SLC2A4RG: variants seen among roughly 807,000 people sequenced by gnomAD.
The protein encoded by SLC2A4RG is GLUT4 enhancer factor.
SLC2A4RG carries 23 observed loss-of-function variants against 35.5 expected under a neutral mutation model. That is an observed-to-expected ratio of 0.65 (90% CI 0.47 to 0.92). The LOEUF (loss-of-function observed/expected upper bound fraction) is 0.92, where lower values mean the gene tolerates loss of function less well. SLC2A4RG is among the 40% of genes least tolerant of loss of function. The pLI, the probability that SLC2A4RG is intolerant of heterozygous loss-of-function variation, is 0.00. For missense variants in SLC2A4RG, 539 were observed against 525.0 expected (o/e 1.03, Z -0.26); for synonymous variants, 306 against 243.7 (o/e 1.26, Z -2.38).
At chr20:63,740,226 G>C (rs1366171594) in intron 1 of SLC2A4RG, 151 bp from the exon 2 acceptor site, 3 of 465,412 alleles carry the variant, frequency 6.4e-6, no homozygotes, top group African/African-American at 4.3e-5. Flanking sequence ...GCCGCGCCGG[G>C]CTGGGGGCGG....
In SLC2A4RG at chr20:63,742,986, A is replaced by ACTAAGTCCGG. The variant is rs1354068828; in HGVS notation, c.1163_*8dup. On this transcript the variant is annotated stop_gained and frameshift_variant, in exon 8 of 8. Transcript: ENST00000266077. LOFTEE classifies it high-confidence loss of function. ...AAGAAAGCCTGCCAGCGGTTCCTGGACTAAGTCCGGCTCGTTCAAGAACAT... is the reference window on the plus strand; with the variant it reads ...AAGAAAGCCTGCCAGCGGTTCCTGGACTAAGTCCGGCTAAGTCCGGCTCGTTCAAGAACAT... 10 of 1,608,996 alleles carry ACTAAGTCCGG rather than the reference A, an allele frequency of 6.2e-6. No homozygotes were observed. The highest frequency in any genetic ancestry group is 1.7e-4 in the Middle Eastern group (1 of 6,044).
At position 63,741,683 on chromosome 20, in the gene SLC2A4RG, G is replaced by A. The variant is rs546488393; in HGVS notation, c.392-186G>A. Among the ~76,000 whole-genome samples the A allele has an allele frequency of 8.5e-5, 13 of 152,314 alleles. 1 individual carries two copies. Among genetic ancestry groups the A allele is most frequent in the African/African-American group, 3.1e-4 (13 of 41,568 alleles). On this transcript the variant is annotated intron_variant, in intron 3 of 7. Transcript: ENST00000266077. The stretch of plus-strand genomic sequence containing the variant: ...CTCCCTGACCTGCTCACCTCCACGC[G>A]GCTGGCCACACACGTCTGCCAACCC...
Position 63,742,547 on chromosome 20 carries a change from C to T in SLC2A4RG, c.892C>T (p.Leu298=). Residue 298 remains leucine, a synonymous_variant, in exon 6 of 8, where the codon CTG becomes TTG. Coordinates refer to ENST00000266077, the MANE Select transcript of SLC2A4RG (RefSeq NM_020062.4). The part of the protein sequence containing the change: ...PSPLRPPAPP[L]PPPPVLSTVA... Reference sequence around the variant, plus strand: ...TCCCCTGCGGCCGCCTGCCCCGCCCCTGCCCCCGCCCCCTGTCCTGAGCAC... The same window carrying T: ...TCCCCTGCGGCCGCCTGCCCCGCCCTTGCCCCCGCCCCCTGTCCTGAGCAC... The T allele has an allele frequency of 6.4e-7, 1 of 1,567,404 alleles. No homozygotes were observed. The highest frequency in any genetic ancestry group is 8.7e-7 in the Non-Finnish European group (1 of 1,155,570).
chr20:63,741,869 A>G lies in SLC2A4RG; in HGVS notation c.392A>G (p.Glu131Gly). The change falls in exon 4 of 8, where the codon GAG becomes GGG. Residue 131 changes from glutamate (E) to glycine (G), a missense_variant and splice_region_variant. Coordinates refer to ENST00000266077, the MANE Select transcript of SLC2A4RG (RefSeq NM_020062.4). Reference sequence around the variant, plus strand: ...AGGCGGGGGGCCCGTGTCCCCACAGAGCCTGGCCTGGAGCCCTGGAAGGAG... The same window carrying G: ...AGGCGGGGGGCCCGTGTCCCCACAGGGCCTGGCCTGGAGCCCTGGAAGGAG... Reference protein sequence around the residue: ...LGAPVAAFSPEPGLEPWKEAL... With the variant: ...LGAPVAAFSPGPGLEPWKEAL... The G allele has an allele frequency of 1.9e-6, 3 of 1,591,784 alleles. No homozygotes were observed. The highest frequency in any genetic ancestry group is 2.6e-6 in the Non-Finnish European group (3 of 1,170,184).
intron 3 of SLC2A4RG, 151 bp from the exon 4 acceptor site, chr20:63,741,718 C>T: frequency 1.4e-6 from 2 of 1,407,020 alleles, no homozygotes; most frequent in African/African-American, 1.4e-5. Context: ...CTTTCCTGTG[C>T]CGGGGGGGTT....
In SLC2A4RG at chr20:63,741,432, C is replaced by T; in HGVS notation, c.344C>T (p.Ser115Phe). Residue 115 changes from serine (S) to phenylalanine (F), a missense_variant, in exon 3 of 8, where the codon TCC becomes TTC. By Grantham distance (155) the Ser-to-Phe change is radical (BLOSUM62 -2). Coordinates refer to ENST00000266077, the MANE Select transcript of SLC2A4RG (RefSeq NM_020062.4). ...GCTGCCGCTGCCCTTACAAGCCTGTCCACCAGCCCTCTCCTTCTGGGGGCC... is the reference window on the plus strand; with the variant it reads ...GCTGCCGCTGCCCTTACAAGCCTGTTCACCAGCCCTCTCCTTCTGGGGGCC... Reference protein sequence around the residue: ...VMAAAALTSLSTSPLLLGAPV... With the variant: ...VMAAAALTSLFTSPLLLGAPV... 2 of 1,613,476 alleles carry T rather than the reference C, an allele frequency of 1.2e-6. No individual in the cohort carries two copies. Among genetic ancestry groups the T allele is most frequent in the Non-Finnish European group, 1.7e-6 (2 of 1,179,938 alleles).
intron 2 of SLC2A4RG, 166 bp from the exon 3 acceptor site, chr20:63,741,204 T>G: frequency 3.1e-6 from 2 of 645,096 alleles, no homozygotes; most frequent in Non-Finnish European, 5.3e-6. Flanking sequence ...CGGGTGGCTT[T>G]CAGCTCTCTC....
rs1463115214 is a variant in SLC2A4RG, at chr20:63,742,788, G to A, written c.1050G>A (p.Leu350=). The A allele has an allele frequency of 4.4e-6, 7 of 1,584,158 alleles. No homozygotes were observed. The highest frequency in any genetic ancestry group is 1.1e-5 in the South Asian group (1 of 87,976). ...TGTCCTCCAGGATCGGAGTCACCCTGAGGTGCGTGTGGGCTGAGGGCCTGC... is the reference window on the plus strand; with the variant it reads ...TGTCCTCCAGGATCGGAGTCACCCTAAGGTGCGTGTGGGCTGAGGGCCTGC... ...PALSSRIGVT[L]RKPRGDAKKC... Residue 350 remains leucine (L), a splice_region_variant and synonymous_variant, in exon 7 of 8, where the codon CTG becomes CTA. Transcript: ENST00000266077.
At chr20:63,741,832 C>T (rs2092043144) in intron 3 of SLC2A4RG, 37 bp from the exon 4 acceptor site, 1 of 1,539,468 alleles carries the variant, frequency 6.5e-7, no homozygotes, top group Admixed American at 2.0e-5. Flanking sequence ...CCTGGACCCA[C>T]CCGAAGTTCT....
Position 63,742,432 on chromosome 20 carries a change from C to G in SLC2A4RG, c.777C>G (p.Ser259Arg). 6.2e-7 allele frequency: 1 copy of G among 1,607,382 alleles called. No individual in the cohort carries two copies. Among genetic ancestry groups the G allele is most frequent in the Non-Finnish European group, 8.5e-7 (1 of 1,177,758 alleles). Residue 259 changes from serine to arginine, a missense_variant, in exon 6 of 8, where the codon AGC (serine) becomes AGG (arginine). Coordinates refer to ENST00000266077, the MANE Select transcript of SLC2A4RG (RefSeq NM_020062.4). The stretch of plus-strand genomic sequence containing the variant: ...ACACGCTGACCGACGGGCTGTCCAG[C>G]CTGACTCCAGTGTCCCCCACGGCCT... ...GVDTLTDGLS[S>R]LTPVSPTASM...
intron 2 of SLC2A4RG, among the ~76,000 whole-genome samples, chr20:63,740,935 C>T (rs537511085): frequency 1.8e-4 from 27 of 152,274 alleles, no homozygotes; most frequent in African/African-American, 6.0e-4. Context: ...GGGAGCTGCC[C>T]GTGCTTCCAG....
Position 63,743,349 on chromosome 20 carries a change from A to AG in SLC2A4RG, c.*363dup, listed in dbSNP as rs575384660. On this transcript the variant is annotated 3_prime_UTR_variant, in exon 8 of 8. Coordinates refer to ENST00000266077, the MANE Select transcript of SLC2A4RG (RefSeq NM_020062.4). ...GGGGGGCCAGTCCCGATGCACTTTG[A>AG]GGGGTGTTGGAGAGGGGACTCCCCC... 2.1e-4 allele frequency: 41 copies of AG among 197,168 alleles called. No homozygotes were observed. The highest frequency in any genetic ancestry group is 8.1e-4 in the African/African-American group (35 of 43,110). The allele number at this position is 197,168 out of a possible 1,614,324, so 12.2% of individuals were successfully genotyped here. A position where few individuals can be genotyped will look rare whatever the true frequency, so the allele number is the denominator to read the frequency against.
chr20:63,742,767 C>T lies in SLC2A4RG; in HGVS notation c.1029C>T (p.Ser343=). The T allele has an allele frequency of 6.3e-7, 1 of 1,592,816 alleles. No homozygotes were observed. The highest frequency in any genetic ancestry group is 8.5e-7 in the Non-Finnish European group (1 of 1,170,964). ...TCGGAGCCTGCCCACCCGCCTTGTC[C>T]TCCAGGATCGGAGTCACCCTGAGGT... The part of the protein sequence containing the change: ...TEVGACPPAL[S]SRIGVTLRKP... The change falls in exon 7 of 8, where the codon TCC becomes TCT. Residue 343 remains serine (S), a synonymous_variant. Coordinates refer to ENST00000266077, the MANE Select transcript of SLC2A4RG (RefSeq NM_020062.4).
rs769607447 is a variant in SLC2A4RG, at chr20:63,742,973, C to T, written c.1147C>T (p.Gln383Ter). The change falls in exon 8 of 8, where the codon CAG becomes TAG. Residue 383 changes from glutamine to a stop codon, truncating the protein, a stop_gained. Coordinates refer to ENST00000266077, the MANE Select transcript of SLC2A4RG (RefSeq NM_020062.4). LOFTEE classifies it high-confidence loss of function. ...AGCCTGCCGCTGGAAGAAAGCCTGC[C>T]AGCGGTTCCTGGACTAAGTCCGGCT... ...CTACRWKKAC[Q>*]RFLD 2.5e-6 allele frequency: 4 copies of T among 1,611,088 alleles called. No homozygotes were observed. The highest frequency in any genetic ancestry group is 2.2e-5 in the East Asian group (1 of 44,852).
chr20:63,741,337 G>T, intron 2 of SLC2A4RG, 33 bp from the exon 3 acceptor site: 5 of 1,597,642 alleles, frequency 3.1e-6, no homozygotes, highest in Non-Finnish European at 4.3e-6. Context: ...AGCTCTGGCT[G>T]GGTCACCCGC....
intron 3 of SLC2A4RG, among the ~76,000 whole-genome samples, 157 bp from the exon 4 acceptor site, chr20:63,741,712 C>T (rs988127105): frequency 6.6e-6 from 1 of 152,236 alleles, no homozygotes; most frequent in Admixed American, 6.5e-5. Flanking sequence ...CCAACCCTTT[C>T]CTGTGCCGGG....
chr20:63,739,832 C>G lies in SLC2A4RG; in HGVS notation c.-81C>G. ...CGGATCCAGGGCGGGGGTCGGCGGC[C>G]CGGCCAGCCCGGCCCGGCCCGGGGC... On this transcript the variant is annotated 5_prime_UTR_variant, in exon 1 of 8. Coordinates refer to ENST00000266077, the MANE Select transcript of SLC2A4RG (RefSeq NM_020062.4). 2.0e-6 allele frequency: 2 copies of G among 976,284 alleles called. No individual in the cohort carries two copies. The highest frequency in any genetic ancestry group is 2.4e-6 in the Non-Finnish European group (2 of 826,220). The allele number at this position is 976,284 out of a possible 1,614,324, so 60.5% of individuals were successfully genotyped here. A position where few individuals can be genotyped will look rare whatever the true frequency, so the allele number is the denominator to read the frequency against.
chr20:63,741,452 G>T lies in SLC2A4RG; in HGVS notation c.364G>T (p.Gly122Trp). ...CCTGTCCACCAGCCCTCTCCTTCTG[G>T]GGGCCCCGGTTGCAGCCTTCAGCCC... ...TSLSTSPLLL[G>W]APVAAFSPEP... Residue 122 changes from glycine to tryptophan, a missense_variant, in exon 3 of 8, where the codon GGG (glycine) becomes TGG (tryptophan). Physicochemically the swap from Gly to Trp is radical, Grantham distance 184. Transcript: ENST00000266077. The T allele has an allele frequency of 6.2e-7, 1 of 1,613,460 alleles. No individual in the cohort carries two copies. Among genetic ancestry groups the T allele is most frequent in the Non-Finnish European group, 8.5e-7 (1 of 1,179,906 alleles).
chr20:63,743,164 C>A lies in SLC2A4RG; in HGVS notation c.*174C>A. The A allele has an allele frequency of 1.8e-6, 1 of 566,200 alleles. No homozygotes were observed. The highest frequency in any genetic ancestry group is 3.1e-6 in the Non-Finnish European group (1 of 320,654). 35.1% of individuals were successfully genotyped at this position (566,200 alleles called of 1,614,324 possible). A position where few individuals can be genotyped will look rare whatever the true frequency, so the allele number is the denominator to read the frequency against. ...CCCTGAACCCTCCCCCCCGCCAGGT[C>A]GGGGAGGGGTCCCACCACTCAAAGT... On this transcript the variant is annotated 3_prime_UTR_variant, in exon 8 of 8. Coordinates refer to ENST00000266077, the MANE Select transcript of SLC2A4RG (RefSeq NM_020062.4).
Sources: allele counts gnomAD v4.1 joint callset (sites outside exome capture counted in the v4.1 genomes callset), GRCh38; gene constraint gnomAD v4.1.1; transcripts MANE v1.5; gene names NCBI Gene and HGNC (gene_info 2026-07-23, HGNC 2026-07-21).